The following CORIN variants were observed in gnomAD, a reference collection of about 807,000 sequenced individuals.
The protein encoded by CORIN is corin, serine peptidase.
A neutral mutation model predicts 125.3 loss-of-function variants in CORIN; 117 were observed. The ratio of observed to expected loss-of-function variants is 0.93; its 90% CI spans 0.80 to 1.09. The LOEUF is 1.09. CORIN is among the 50% of genes least tolerant of loss of function. The pLI is 0.00. For synonymous variants in CORIN, 450 were observed against 466.4 expected (o/e 0.96, Z 0.45); for missense variants, 1,253 against 1,306.7 (o/e 0.96, Z 0.63).
intron 3 of CORIN, among the ~76,000 whole-genome samples, chr4:47,770,692 C>G (rs913746248): frequency 3.3e-5 from 5 of 151,928 alleles, no homozygotes; most frequent in Non-Finnish European, 5.9e-5. Context: ...TATGATTTGG[C>G]CTTTAAAAAG....
At chr4:47,670,674 G>A (rs1724709933) in intron 10 of CORIN, among the ~76,000 whole-genome samples, 1 of 152,190 alleles carries the variant, frequency 6.6e-6, no homozygotes, top group African/African-American at 2.4e-5. Flanking sequence ...GGTCAGCATG[G>A]GCACAGGGAG....
intron 2 of CORIN, among the ~76,000 whole-genome samples, chr4:47,801,614 G>C (rs1325330656): frequency 6.6e-6 from 1 of 152,204 alleles, no homozygotes; most frequent in Non-Finnish European, 1.5e-5. Context: ...GAGAATGTGG[G>C]CACTTGGGAG....
chr4:47,621,308 A>G lies in CORIN; in HGVS notation c.2540+2263T>C, dbSNP rs1241037709. On this transcript the variant is annotated intron_variant, in intron 19 of 21. Coordinates refer to ENST00000273857, the MANE Select transcript of CORIN (RefSeq NM_006587.4). ...AAGCTTGCTTTGGAGGATGCCAGCC[A>G]CCATGAAGTGAGTCTCATACAGAGA... Among the ~76,000 whole-genome samples the G allele has an allele frequency of 3.3e-5, 5 of 152,258 alleles. 1 individual carries two copies. In the East Asian group the frequency reaches 9.7e-4, roughly 29 times the overall value.
At position 47,752,293 on chromosome 4, in the gene CORIN, G is replaced by A. The variant is rs77412986; in HGVS notation, c.618-7710C>T. ...ATTTGCTTACTGCCTATCTCTCACCGGCATAACATAAGCTCTGTGAAGCCA... is the reference window on the plus strand; with the variant it reads ...ATTTGCTTACTGCCTATCTCTCACCAGCATAACATAAGCTCTGTGAAGCCA... On this transcript the variant is annotated intron_variant, in intron 4 of 21. Coordinates refer to ENST00000273857, the MANE Select transcript of CORIN (RefSeq NM_006587.4). Among the ~76,000 whole-genome samples, 308 of 152,134 alleles carry A rather than the reference G, an allele frequency of 2.0e-3. 5 individuals are homozygous for A. In the East Asian group the frequency reaches 0.05, roughly 25 times the overall value.
chr4:47,627,817 G>A (rs1722641940), intron 16 of CORIN, among the ~76,000 whole-genome samples: 1 of 152,166 alleles, frequency 6.6e-6, no homozygotes, highest in Non-Finnish European at 1.5e-5. Flanking sequence ...TTTAGATTTT[G>A]TTATTTAATC....
chr4:47,805,087 G>T (rs1385900058), intron 2 of CORIN, among the ~76,000 whole-genome samples: 3 of 145,172 alleles, frequency 2.1e-5, no homozygotes, highest in African/African-American at 7.6e-5. Flanking sequence ...AGTGAGCCGA[G>T]ATCGCGCCAC....
intron 4 of CORIN, among the ~76,000 whole-genome samples, chr4:47,759,898 T>G (rs1372560254): frequency 1.3e-5 from 2 of 152,374 alleles, no homozygotes; most frequent in Middle Eastern, 3.4e-3. Flanking sequence ...TCACAACCTC[T>G]GCAATTACTT....
At chr4:47,671,814 C>T (rs1223068983) in intron 10 of CORIN, among the ~76,000 whole-genome samples, 1 of 152,162 alleles carries the variant, frequency 6.6e-6, no homozygotes, top group East Asian at 1.9e-4. Flanking sequence ...TGGTCTCAAT[C>T]TCCTGACCTC....
chr4:47,786,868 C>T lies in CORIN; in HGVS notation c.266G>A (p.Gly89Asp), dbSNP rs528532672. The T allele has an allele frequency of 6.2e-7, 1 of 1,613,806 alleles. No homozygotes were observed. The highest frequency in any genetic ancestry group is 1.1e-5 in the South Asian group (1 of 91,078). ...SNGSEPLVTD[G>D]EIQGSDVILT... ...AATAACATCGGACCCTTGGATTTCA[C>T]CATCAGTGACCAAAGGTTCACTCCC... Residue 89 changes from glycine to aspartate, a missense_variant, in exon 3 of 22, where the codon GGT becomes GAT. Physicochemically the swap from Gly to Asp is moderately conservative, Grantham distance 94 (BLOSUM62 -1). Transcript: ENST00000273857.
At chr4:47,706,658 C>T (rs968391380) in intron 5 of CORIN, 5 of 1,610,266 alleles carry the variant, frequency 3.1e-6, no homozygotes, top group Admixed American at 3.3e-5. Context: ...AAATTTTGCT[C>T]GAAGCCTTCA....
chr4:47,595,479 C>A lies in CORIN; in HGVS notation c.*242G>T. 6.7e-6 allele frequency: 2 copies of A among 300,256 alleles called. No homozygotes were observed. Among genetic ancestry groups the A allele is most frequent in the Non-Finnish European group, 1.2e-5 (2 of 163,372 alleles). 18.6% of individuals were successfully genotyped at this position (300,256 alleles called of 1,614,324 possible). A position where few individuals can be genotyped will look rare whatever the true frequency, so the allele number is the denominator to read the frequency against. On this transcript the variant is annotated 3_prime_UTR_variant, in exon 22 of 22. Transcript: ENST00000273857. ...GTCATGGTTAGGCCTGGCAAAAGGA[C>A]AAAGTCTGCTTTGTTTGCTTTTGTA...
chr4:47,657,548 A>AG (rs1301450812), intron 12 of CORIN, among the ~76,000 whole-genome samples: 6 of 151,702 alleles, frequency 4.0e-5, no homozygotes, highest in South Asian at 2.1e-4. Flanking sequence ...AAAAAAAAAA[A>AG]AAAAAGAAAA....
chr4:47,786,917 GT>G lies in CORIN; in HGVS notation c.216del (p.Leu72PhefsTer69). 1 of 1,609,086 alleles carries G rather than the reference GT, an allele frequency of 6.2e-7. No individual in the cohort carries two copies. Among genetic ancestry groups the G allele is most frequent in the Non-Finnish European group, 8.5e-7 (1 of 1,176,068 alleles). ...LVILLSYVGT[L>X]QKVYFKSNGS... ...CCATTTGATTTAAAATAGACCTTTT[GT>G]AATGTTCCTGAAAGACAAAAACAAA... On this transcript the variant is annotated frameshift_variant, in exon 3 of 22. Transcript: ENST00000273857. LOFTEE classifies it high-confidence loss of function.
intron 19 of CORIN, among the ~76,000 whole-genome samples, chr4:47,604,408 G>T (rs937921005): frequency 6.6e-6 from 1 of 152,052 alleles, no homozygotes; most frequent in Non-Finnish European, 1.5e-5. Flanking sequence ...CCCACCATAC[G>T]CTGGTGACCC....
intron 12 of CORIN, among the ~76,000 whole-genome samples, chr4:47,658,311 C>G (rs1381628777): frequency 6.6e-6 from 1 of 152,240 alleles, no homozygotes; most frequent in African/African-American, 2.4e-5. Context: ...GGGGTGGGCT[C>G]CTAAGGCCTT....
At chr4:47,713,480 T>C (rs1418308022) in intron 5 of CORIN, among the ~76,000 whole-genome samples, 3 of 152,244 alleles carry the variant, frequency 2.0e-5, no homozygotes, top group African/African-American at 7.2e-5. Flanking sequence ...GGGAAACCTG[T>C]TCTCTACTTT....
Position 47,680,404 on chromosome 4 carries a change from C to T in CORIN, c.1022-153G>A, listed in dbSNP as rs1725218934. 3 of 586,468 alleles carry T rather than the reference C, an allele frequency of 5.1e-6. No homozygotes were observed. The Admixed American group carries it at 8.5e-5, about 17-fold the overall frequency. The allele number at this position is 586,468 out of a possible 1,614,324, so 36.3% of individuals were successfully genotyped here. A position where few individuals can be genotyped will look rare whatever the true frequency, so the allele number is the denominator to read the frequency against. On this transcript the variant is annotated intron_variant, in intron 7 of 21. Coordinates refer to ENST00000273857, the MANE Select transcript of CORIN (RefSeq NM_006587.4). ...AATAGGTCTGGCCCAATTAAAATGC[C>T]ACGCCCTCCCCACTCATGTGCCCCA... is the stretch of plus-strand genomic sequence containing the variant.
In CORIN at chr4:47,677,984, A is replaced by G. The variant is rs145008247; in HGVS notation, c.1203T>C (p.Gly401=). 925 of 1,614,054 alleles carry G rather than the reference A, an allele frequency of 5.7e-4. 2 individuals are homozygous for G. In the African/African-American group the frequency reaches 0.011, roughly 19 times the overall value. The change falls in exon 9 of 22, where the codon GGT becomes GGC. Residue 401 remains glycine (G), a synonymous_variant. Transcript: ENST00000273857. ...CACTCCCATCCTTGCAGTCCTCGTC[A>G]CCATCACATTGAAACGTGCTGGGGA... ...QCIPSTFQCD[G]DEDCKDGSDE... is the part of the protein sequence containing the mutation.
intron 1 of CORIN, among the ~76,000 whole-genome samples, chr4:47,816,311 T>A (rs1199092586): frequency 6.6e-6 from 1 of 152,236 alleles, no homozygotes; most frequent in South Asian, 2.1e-4. Flanking sequence ...ATTCATCATA[T>A]GTTTTGCTAT....
Sources: allele counts gnomAD v4.1 joint callset (sites outside exome capture counted in the v4.1 genomes callset), GRCh38; gene constraint gnomAD v4.1.1; transcripts MANE v1.5; gene names NCBI Gene and HGNC (gene_info 2026-07-23, HGNC 2026-07-21).